SLC35A3: variants seen among roughly 807,000 people sequenced by gnomAD.
SLC35A3 encodes the protein UDP-N-acetylglucosamine transporter.
A neutral mutation model predicts 39.0 loss-of-function variants in SLC35A3; 26 were observed. The ratio of observed to expected loss-of-function variants is 0.67; its 90% CI spans 0.49 to 0.92. SLC35A3 has a LOEUF of 0.92. Among genes scored for constraint, SLC35A3 ranks in the 40% least tolerant of loss-of-function variants. The probability of loss-of-function intolerance (pLI) is 0.00; values close to 1 mark genes in which losing one functional copy is unlikely to be tolerated. For synonymous variants in SLC35A3, 135 were observed against 133.1 expected (o/e 1.01, Z -0.10); for missense variants, 299 against 371.6 (o/e 0.80, Z 1.61).
chr1:100,025,436 A>G lies in SLC35A3; in HGVS notation c.*2960A>G, dbSNP rs182879815. On this transcript the variant is annotated 3_prime_UTR_variant, in exon 8 of 8. Transcript: ENST00000533028. ...TTTAGGTGTCGAAACACAATTTTCA[A>G]AATTCCTAATGAAAGTTATAAAAAT... 2.4e-4 allele frequency: 36 copies of G among 152,352 alleles called. No homozygotes were observed. The highest frequency in any genetic ancestry group is 7.7e-4 in the African/African-American group (32 of 41,596). 9.4% of individuals were successfully genotyped at this position (152,352 alleles called of 1,614,324 possible). A position where few individuals can be genotyped will look rare whatever the true frequency, so the allele number is the denominator to read the frequency against.
intron 1 of SLC35A3, among the ~76,000 whole-genome samples, chr1:99,989,750 A>G (rs1334983970): frequency 1.3e-5 from 2 of 152,086 alleles, no homozygotes; most frequent in Non-Finnish European, 1.5e-5. Context: ...TCTTTGGAAG[A>G]GCAGTCTTTA....
intron 7 of SLC35A3, among the ~76,000 whole-genome samples, chr1:100,021,960 A>G (rs1660577625): frequency 6.6e-6 from 1 of 152,228 alleles, no homozygotes; most frequent in Non-Finnish European, 1.5e-5. Flanking sequence ...GCCTTTTGTT[A>G]TTGAATGTAT....
At chr1:99,993,834 G>A (rs1467932070) in intron 2 of SLC35A3, 93 bp downstream of exon 2, 9 of 1,086,590 alleles carry the variant, frequency 8.3e-6, no homozygotes, top group Middle Eastern at 3.0e-4. Flanking sequence ...TTGCATTGTC[G>A]AATGGCCTAG....
At position 99,993,770 on chromosome 1, in the gene SLC35A3, C is replaced by A. The variant is rs774103834; in HGVS notation, c.187+29C>A. The A allele has an allele frequency of 4.4e-6, 7 of 1,588,492 alleles. No individual in the cohort carries two copies. In the South Asian group the frequency reaches 5.6e-5, roughly 13 times the overall value. On this transcript the variant is annotated intron_variant, in intron 2 of 7. Coordinates refer to ENST00000533028, the MANE Select transcript of SLC35A3 (RefSeq NM_012243.3). ...GGTATCTAGGTTTTTTGTTTTTAAT[C>A]AATGCAATTTATTTAGTTTGCATAT... is the stretch of plus-strand genomic sequence containing the variant.
intron 5 of SLC35A3, among the ~76,000 whole-genome samples, chr1:100,014,496 T>G (rs1644843747): frequency 6.6e-6 from 1 of 152,172 alleles, no homozygotes; most frequent in South Asian, 2.1e-4. Flanking sequence ...TGCTGGGATT[T>G]CAGGCGTGAG....
intron 3 of SLC35A3, among the ~76,000 whole-genome samples, chr1:100,003,080 A>G (rs1267743857): frequency 6.6e-6 from 1 of 151,948 alleles, no homozygotes; most frequent in Admixed American, 6.6e-5. Flanking sequence ...GCTGTATCTC[A>G]TAGGTTTTGG....
In SLC35A3 at chr1:100,009,111, C is replaced by T. The variant is rs536672845; in HGVS notation, c.465+1955C>T. The T allele has an allele frequency of 2.6e-5, 4 of 152,194 alleles. No homozygotes were observed. The South Asian group carries it at 8.3e-4, about 32-fold the overall frequency. 9.4% of individuals were successfully genotyped at this position (152,194 alleles called of 1,614,324 possible). ...TTATGTGCCAGGTGCCCACTTGGTA[C>T]TTATCTTGTATAATCTCATGTTATA... is the stretch of plus-strand genomic sequence containing the variant. On this transcript the variant is annotated intron_variant, in intron 4 of 7. Transcript: ENST00000533028.
At chr1:100,013,588 G>T (rs1170033934) in intron 5 of SLC35A3, among the ~76,000 whole-genome samples, 1 of 151,880 alleles carries the variant, frequency 6.6e-6, no homozygotes, top group East Asian at 1.9e-4. Flanking sequence ...ACTCCAGCCT[G>T]CTAAGTGACA....
Position 100,026,390 on chromosome 1 carries a change from C to G in SLC35A3, c.*3914C>G, listed in dbSNP as rs1660913181. 1 of 152,112 alleles carries G rather than the reference C, an allele frequency of 6.6e-6. No individual in the cohort carries two copies. Among genetic ancestry groups the G allele is most frequent in the South Asian group, 2.1e-4 (1 of 4,830 alleles). The allele number at this position is 152,112 out of a possible 1,614,324, so 9.4% of individuals were successfully genotyped here. ...TTAAAGTAGTTATAGGAGCAGAGAA[C>G]AAGCACCTTTATCAAAATCTGGTCC... On this transcript the variant is annotated 3_prime_UTR_variant, in exon 8 of 8. Coordinates refer to ENST00000533028, the MANE Select transcript of SLC35A3 (RefSeq NM_012243.3).
rs74102305 is a variant in SLC35A3 at position 99,993,820 on chromosome 1, A to G, written c.187+79A>G. 8,536 of 1,265,744 alleles carry G rather than the reference A, an allele frequency of 6.7e-3. 411 individuals carry two copies. The African/African-American group carries it at 0.11, about 16-fold the overall frequency. 78.4% of individuals were successfully genotyped at this position (1,265,744 alleles called of 1,614,324 possible). ...TATATATTGGTAACTACACATTTGC[A>G]CTCTTGCATTGTCGAATGGCCTAGT... On this transcript the variant is annotated intron_variant, in intron 2 of 7. Transcript: ENST00000533028.
chr1:99,970,496 T>G (rs764861222), intron 1 of SLC35A3: 1 of 1,430,170 alleles, frequency 7.0e-7, no homozygotes, highest in Admixed American at 2.0e-5. Context: ...TAGTGACGGG[T>G]GGGCCCGGCT....
At position 99,994,454 on chromosome 1, in the gene SLC35A3, C is replaced by T. The variant is rs376947244; in HGVS notation, c.187+713C>T. Among the ~76,000 whole-genome samples the T allele has an allele frequency of 2.0e-5, 3 of 152,152 alleles. No homozygotes were observed. The South Asian group carries it at 6.2e-4, about 32-fold the overall frequency. On this transcript the variant is annotated intron_variant, in intron 2 of 7. Transcript: ENST00000533028. ...TAACTGTTAAGTAATAACCCCCATT[C>T]TCCCTTACCCACAGCCCCTAGTAAC...
intron 1 of SLC35A3, among the ~76,000 whole-genome samples, chr1:99,983,911 C>T (rs963364783): frequency 7.2e-5 from 11 of 152,242 alleles, no homozygotes; most frequent in African/African-American, 1.7e-4. Context: ...CATGAGCCAC[C>T]GCACCCGGCC....
rs770084059 is a variant in SLC35A3 at position 99,993,711 on chromosome 1, GC to G, written c.159del (p.Cys54AlafsTer13). 3.7e-6 allele frequency: 6 copies of G among 1,613,896 alleles called. No individual in the cohort carries two copies. Among genetic ancestry groups the G allele is most frequent in the Non-Finnish European group, 5.1e-6 (6 of 1,179,928 alleles). Reference protein sequence around the residue: ...VVVAELLKIMACILLVYKDSK... With the variant: ...VVVAELLKIMXCILLVYKDSK... ...TGTTGCTGAACTTTTGAAGATAATG[GC>G]CTGCATTTTATTGGTCTACAAAGAC... On this transcript the variant is annotated frameshift_variant, in exon 2 of 8. Transcript: ENST00000533028. LOFTEE classifies it high-confidence loss of function.
chr1:99,972,365 C>T (rs1163319600), intron 1 of SLC35A3, among the ~76,000 whole-genome samples: 6 of 137,870 alleles, frequency 4.4e-5, no homozygotes, highest in Admixed American at 3.7e-4. Context: ...TGGAGTCTTG[C>T]TCTGTCACGC....
intron 2 of SLC35A3, among the ~76,000 whole-genome samples, chr1:99,997,731 A>G (rs986719009): frequency 2.6e-5 from 4 of 151,552 alleles, no homozygotes; most frequent in Admixed American, 2.6e-4. Context: ...TACAATATGA[A>G]GAGACACAGG....
At position 100,014,740 on chromosome 1, in the gene SLC35A3, T is replaced by A. The variant is rs78007813; in HGVS notation, c.635-562T>A. 7.1e-3 allele frequency among the ~76,000 whole-genome samples: 1,077 copies of A among 152,340 alleles called. 12 individuals carry two copies. Among genetic ancestry groups the A allele is most frequent in the African/African-American group, 0.025 (1,045 of 41,572 alleles). The stretch of plus-strand genomic sequence containing the variant: ...TATTTTAGTGCTCCAAAGTTGGTAA[T>A]GTATGTTATTTTTTGTATTCTATGT... On this transcript the variant is annotated intron_variant, in intron 5 of 7. Transcript: ENST00000533028.
chr1:100,027,278 T>C lies in SLC35A3; in HGVS notation c.*4802T>C. On this transcript the variant is annotated 3_prime_UTR_variant, in exon 8 of 8. Transcript: ENST00000533028. ...GCCAGCCTGGGCAACATAGCCTTGT[T>C]TCTACAAAAAATCTTAAAAATAAAA... 2 of 397,874 alleles carry C rather than the reference T, an allele frequency of 5.0e-6. No homozygotes were observed. Among genetic ancestry groups the C allele is most frequent in the Non-Finnish European group, 8.9e-6 (2 of 225,740 alleles). 24.6% of individuals were successfully genotyped at this position (397,874 alleles called of 1,614,324 possible).
chr1:99,976,943 C>G (rs1413769333), intron 1 of SLC35A3, among the ~76,000 whole-genome samples: 1 of 152,012 alleles, frequency 6.6e-6, no homozygotes, highest in African/African-American at 2.4e-5. Flanking sequence ...ACGTGCATAC[C>G]TACCCCTTAC....
Sources: allele counts gnomAD v4.1 joint callset (sites outside exome capture counted in the v4.1 genomes callset), GRCh38; gene constraint gnomAD v4.1.1; transcripts MANE v1.5; gene names NCBI Gene and HGNC (gene_info 2026-07-23, HGNC 2026-07-21).